WWC2: variants seen among roughly 807,000 people sequenced by gnomAD.
WWC2 encodes protein WWC2.
A neutral mutation model predicts 138.5 loss-of-function variants in WWC2; 101 were observed. The observed-to-expected ratio is 0.73, with a 90% confidence interval of 0.62 to 0.86. The LOEUF (loss-of-function observed/expected upper bound fraction) is 0.86, where lower values mean the gene tolerates loss of function less well. Ranked by LOEUF, WWC2 falls within the 40% of genes least tolerant of loss-of-function variation. WWC2 has a pLI of 0.00. For missense variants in WWC2, 1,420 were observed against 1,419.4 expected (o/e 1.00, Z -0.01); for synonymous variants, 558 against 538.4 (o/e 1.04, Z -0.50).
intron 1 of WWC2, among the ~76,000 whole-genome samples, chr4:183,128,530 T>C (rs1489295013): frequency 6.6e-6 from 1 of 152,088 alleles, no homozygotes; most frequent in Admixed American, 6.6e-5. Context: ...GATCAAAATG[T>C]GTCTTTTTGT....
intron 9 of WWC2, among the ~76,000 whole-genome samples, 187 bp from the exon 10 acceptor site, chr4:183,259,452 C>G (rs896783538): frequency 6.6e-6 from 1 of 152,166 alleles, no homozygotes; most frequent in Non-Finnish European, 1.5e-5. Context: ...CGCTCCCTCC[C>G]CATCCTTCAG....
intron 1 of WWC2, among the ~76,000 whole-genome samples, chr4:183,180,909 T>C (rs1734614050): frequency 6.6e-6 from 1 of 152,164 alleles, no homozygotes; most frequent in Admixed American, 6.5e-5. Context: ...GAAAAAGGTA[T>C]GGCACGAATG....
intron 15 of WWC2, chr4:183,269,394 T>G (rs751024283): frequency 1.7e-5 from 11 of 664,622 alleles, no homozygotes; most frequent in Non-Finnish European, 3.1e-5. Flanking sequence ...AAAAGTTGCT[T>G]TCTATTTCTA....
At chr4:183,181,237 T>A (rs1734624238) in intron 1 of WWC2, among the ~76,000 whole-genome samples, 1 of 152,218 alleles carries the variant, frequency 6.6e-6, no homozygotes, top group African/African-American at 2.4e-5. Context: ...TTCCTCTCTC[T>A]GGTAAATTGC....
In WWC2 at chr4:183,151,459, A is replaced by G. The variant is rs534348165; in HGVS notation, c.132-42140A>G. 9.0e-3 allele frequency among the ~76,000 whole-genome samples: 1,369 copies of G among 152,296 alleles called. 7 individuals are homozygous for G. Among genetic ancestry groups the G allele is most frequent in the Admixed American group, 0.015 (222 of 15,292 alleles). ...TATTAGCCCTTTGTCAGATGGGTAG[A>G]TTGCAAAAATTTTCTCCCATTCTGT... is the stretch of plus-strand genomic sequence containing the variant. On this transcript the variant is annotated intron_variant, in intron 1 of 22. Transcript: ENST00000403733.
Position 183,221,275 on chromosome 4 carries a change from A to G in WWC2, c.522+12250A>G, listed in dbSNP as rs533592025. Among the ~76,000 whole-genome samples the G allele has an allele frequency of 4.0e-3, 609 of 152,372 alleles. 8 individuals carry two copies. Among genetic ancestry groups the G allele is most frequent in the South Asian group, 0.028 (137 of 4,826 alleles). On this transcript the variant is annotated intron_variant, in intron 4 of 22. Coordinates refer to ENST00000403733, the MANE Select transcript of WWC2 (RefSeq NM_024949.6). ...ATCTTAAAGATGTATGCACATGCTA[A>G]CAGAGCTTCAAATACCTGGAATAAA...
chr4:183,318,274 T>C lies in WWC2; in HGVS notation c.*2545T>C, dbSNP rs1739505820. 6.6e-6 allele frequency: 1 copy of C among 152,662 alleles called. No homozygotes were observed. Among genetic ancestry groups the C allele is most frequent in the Non-Finnish European group, 1.5e-5 (1 of 68,032 alleles). The allele number at this position is 152,662 out of a possible 1,614,324, so 9.5% of individuals were successfully genotyped here. On this transcript the variant is annotated 3_prime_UTR_variant, in exon 23 of 23. Transcript: ENST00000403733. The stretch of plus-strand genomic sequence containing the variant: ...AAAGTTTAGCTAAATCTCTGTAGCA[T>C]GCAAATCAAATAAATTAAAATTTTT...
rs2292413 is a variant in WWC2 at position 183,317,687 on chromosome 4, T to C, written c.*1958T>C. On this transcript the variant is annotated 3_prime_UTR_variant, in exon 23 of 23. Transcript: ENST00000403733. Reference sequence around the variant, plus strand: ...TCTTATTTATGTTCTGTTTAATATATAGTTTGATTCTGGCCATTTTAAATA... The same window carrying C: ...TCTTATTTATGTTCTGTTTAATATACAGTTTGATTCTGGCCATTTTAAATA... 19 of 152,682 alleles carry C rather than the reference T, an allele frequency of 1.2e-4. No individual in the cohort carries two copies. In the East Asian group the frequency reaches 3.3e-3, roughly 26 times the overall value. The allele number at this position is 152,682 out of a possible 1,614,324, so 9.5% of individuals were successfully genotyped here. A position where few individuals can be genotyped will look rare whatever the true frequency, so the allele number is the denominator to read the frequency against.
rs558313621 is a variant in WWC2, at chr4:183,100,155, C to T, written c.131+533C>T. Among the ~76,000 whole-genome samples, 3 of 152,362 alleles carry T rather than the reference C, an allele frequency of 2.0e-5. No individual in the cohort carries two copies. The East Asian group carries it at 5.8e-4, about 29-fold the overall frequency. On this transcript the variant is annotated intron_variant, in intron 1 of 22. Coordinates refer to ENST00000403733, the MANE Select transcript of WWC2 (RefSeq NM_024949.6). ...AGGGGCTCCCGCCCCCCGCCGGGCC[C>T]TGCTAGTGGGTGTGACTGACTTTGC...
At chr4:183,184,993 C>T (rs968621050) in intron 1 of WWC2, among the ~76,000 whole-genome samples, 1 of 152,172 alleles carries the variant, frequency 6.6e-6, no homozygotes, top group African/African-American at 2.4e-5. Flanking sequence ...TTTTCCACTT[C>T]TCCATCACCT....
chr4:183,140,905 A>G (rs1327657079), intron 1 of WWC2, among the ~76,000 whole-genome samples: 1 of 152,130 alleles, frequency 6.6e-6, no homozygotes, highest in Non-Finnish European at 1.5e-5. Flanking sequence ...TAACTATGTA[A>G]CCTCTCTGTG....
chr4:183,146,196 G>C (rs1412278444), intron 1 of WWC2, among the ~76,000 whole-genome samples: 1 of 152,122 alleles, frequency 6.6e-6, no homozygotes. Flanking sequence ...TGCCAAGTGG[G>C]GTTCTGATTG....
At chr4:183,232,399 G>A (rs115928323) in intron 4 of WWC2, among the ~76,000 whole-genome samples, 109 of 152,184 alleles carry the variant, frequency 7.2e-4, no homozygotes, top group African/African-American at 2.6e-3. Flanking sequence ...GGAACCTTGT[G>A]CCCATTAGCA....
intron 15 of WWC2, among the ~76,000 whole-genome samples, chr4:183,270,215 T>G (rs1191936600): frequency 6.6e-6 from 1 of 152,180 alleles, no homozygotes; most frequent in Non-Finnish European, 1.5e-5. Context: ...TGTCAGAGGC[T>G]CCCACAAAGT....
At chr4:183,125,837 C>T (rs1339103754) in intron 1 of WWC2, among the ~76,000 whole-genome samples, 1 of 152,188 alleles carries the variant, frequency 6.6e-6, no homozygotes, top group East Asian at 1.9e-4. Context: ...TCATTCCCAG[C>T]TGCATGGCAC....
chr4:183,166,177 C>G (rs1391954220), intron 1 of WWC2, among the ~76,000 whole-genome samples: 1 of 152,094 alleles, frequency 6.6e-6, no homozygotes, highest in East Asian at 1.9e-4. Flanking sequence ...TTTATCTGTA[C>G]TAGTGGCTAA....
chr4:183,174,558 GCTATTTT>G (rs1734401292), intron 1 of WWC2, among the ~76,000 whole-genome samples: 1 of 152,080 alleles, frequency 6.6e-6, no homozygotes, highest in Non-Finnish European at 1.5e-5. Context: ...TCCCCTTTCT[GCTATTTT>G]CTAGAGGGAA....
At chr4:183,118,348 G>A (rs919442161) in intron 1 of WWC2, among the ~76,000 whole-genome samples, 4 of 152,128 alleles carry the variant, frequency 2.6e-5, no homozygotes, top group Non-Finnish European at 4.4e-5. Flanking sequence ...TGGTTAAAGA[G>A]GAATCTTTTC....
At chr4:183,197,735 A>T (rs1735182250) in intron 2 of WWC2, among the ~76,000 whole-genome samples, 2 of 151,940 alleles carry the variant, frequency 1.3e-5, no homozygotes, top group South Asian at 4.2e-4. Flanking sequence ...TTGTACTGTA[A>T]TTTTTTTTCT....
Sources: allele counts gnomAD v4.1 joint callset (sites outside exome capture counted in the v4.1 genomes callset), GRCh38; gene constraint gnomAD v4.1.1; transcripts MANE v1.5; gene names NCBI Gene and HGNC (gene_info 2026-07-23, HGNC 2026-07-21).